Variants in GABBR2 observed in about 807,000 individuals in gnomAD.
The protein encoded by GABBR2 is G-protein coupled receptor 51.
GABBR2 carries 23 observed loss-of-function variants against 105.6 expected under a neutral mutation model. That is an observed-to-expected ratio of 0.22 (90% CI 0.16 to 0.31). The LOEUF (loss-of-function observed/expected upper bound fraction) is 0.31. GABBR2 is among the 10% of genes least tolerant of loss of function. The probability of loss-of-function intolerance (pLI) is 1.00; values close to 1 mark genes in which losing one functional copy is unlikely to be tolerated. For missense variants in GABBR2, 734 were observed against 1,245.5 expected (o/e 0.59, Z 6.18); for synonymous variants, 478 against 499.7 (o/e 0.96, Z 0.58).
intron 1 of GABBR2, among the ~76,000 whole-genome samples, chr9:98,600,591 C>A (rs1281834639): frequency 2.0e-5 from 3 of 152,216 alleles, no homozygotes; most frequent in African/African-American, 7.2e-5. Context: ...CAGCAAGTGC[C>A]CAGTACAAAG....
chr9:98,337,176 G>C (rs4743203), intron 13 of GABBR2, among the ~76,000 whole-genome samples: 21,154 of 152,058 alleles, frequency 0.14, 1,626 homozygotes, highest in Middle Eastern at 0.22. Flanking sequence ...ATGGTGGTGG[G>C]TGCCTGTAAC....
chr9:98,300,158 C>CT (rs1830446008), intron 16 of GABBR2, among the ~76,000 whole-genome samples: 1 of 151,602 alleles, frequency 6.6e-6, no homozygotes, highest in African/African-American at 2.4e-5. Flanking sequence ...ACTACTGTGC[C>CT]TGGCCTTATA....
chr9:98,448,340 C>T (rs1281777860), intron 7 of GABBR2, among the ~76,000 whole-genome samples: 2 of 152,126 alleles, frequency 1.3e-5, no homozygotes, highest in Non-Finnish European at 2.9e-5. Context: ...CACCTAAAAG[C>T]CCCCATCCAA....
intron 11 of GABBR2, among the ~76,000 whole-genome samples, chr9:98,380,612 C>G (rs984624037): frequency 6.6e-6 from 1 of 152,230 alleles, no homozygotes; most frequent in Non-Finnish European, 1.5e-5. Context: ...CTCCACTACC[C>G]GCACAGTGTC....
chr9:98,299,209 C>T lies in GABBR2; in HGVS notation c.2542+15G>A. 6.2e-7 allele frequency: 1 copy of T among 1,612,334 alleles called. No individual in the cohort carries two copies. The highest frequency in any genetic ancestry group is 8.5e-7 in the Non-Finnish European group (1 of 1,178,616). ...CCAAGGTCCCTACCACATTCTGGGG[C>T]CCTGGCTCTCTTACCTGTGCTCTCA... On this transcript the variant is annotated intron_variant, in intron 17 of 18. Coordinates refer to ENST00000259455, the MANE Select transcript of GABBR2 (RefSeq NM_005458.8).
intron 1 of GABBR2, among the ~76,000 whole-genome samples, chr9:98,602,980 C>A (rs1829362880): frequency 6.6e-6 from 1 of 152,146 alleles, no homozygotes; most frequent in South Asian, 2.1e-4. Flanking sequence ...TGTAGTGATT[C>A]CTTATCTAGC....
chr9:98,639,529 A>G (rs1300249629), intron 1 of GABBR2, among the ~76,000 whole-genome samples: 3 of 151,678 alleles, frequency 2.0e-5, no homozygotes, highest in Admixed American at 6.6e-5. Context: ...TACAAATACA[A>G]CTTAATTAAC....
At chr9:98,364,400 G>GACCT (rs1831640459) in intron 12 of GABBR2, among the ~76,000 whole-genome samples, 1 of 152,152 alleles carries the variant, frequency 6.6e-6, no homozygotes, top group African/African-American at 2.4e-5. Context: ...TGGAAGGCCT[G>GACCT]ACCTGCACCT....
chr9:98,568,652 C>T (rs1828783447), intron 2 of GABBR2, among the ~76,000 whole-genome samples: 1 of 152,192 alleles, frequency 6.6e-6, no homozygotes, highest in East Asian at 1.9e-4. Context: ...TTCCCCTCTC[C>T]ATCCCTCTGG....
chr9:98,341,785 G>T (rs1831218159), intron 13 of GABBR2, among the ~76,000 whole-genome samples: 1 of 152,142 alleles, frequency 6.6e-6, no homozygotes, highest in South Asian at 2.1e-4. Flanking sequence ...TGCTTCACTT[G>T]GCAGCCTCAG....
chr9:98,545,529 T>G (rs922086126), intron 2 of GABBR2, among the ~76,000 whole-genome samples: 3 of 152,180 alleles, frequency 2.0e-5, no homozygotes, highest in Non-Finnish European at 4.4e-5. Context: ...GGGGAGATTT[T>G]AAAGAATACT....
chr9:98,704,273 GAA>G (rs915061485), intron 1 of GABBR2, among the ~76,000 whole-genome samples: 1 of 152,156 alleles, frequency 6.6e-6, no homozygotes, highest in African/African-American at 2.4e-5. Flanking sequence ...AGCCACTCAA[GAA>G]AAAAGACATG....
At chr9:98,341,735 C>A (rs967580763) in intron 13 of GABBR2, among the ~76,000 whole-genome samples, 9 of 152,162 alleles carry the variant, frequency 5.9e-5, no homozygotes, top group African/African-American at 2.2e-4. Flanking sequence ...ATCTCGGGGA[C>A]ACAAACTGAA....
At chr9:98,602,830 T>C (rs1347517729) in intron 1 of GABBR2, among the ~76,000 whole-genome samples, 2 of 152,186 alleles carry the variant, frequency 1.3e-5, no homozygotes, top group African/African-American at 4.8e-5. Context: ...AAACATTCAC[T>C]GGATTCCACA....
intron 4 of GABBR2, among the ~76,000 whole-genome samples, chr9:98,484,536 C>T (rs533707827): frequency 7.6e-4 from 115 of 151,854 alleles, no homozygotes; most frequent in African/African-American, 2.6e-3. Flanking sequence ...AGGAGCAGCC[C>T]GGAATCCAGG....
intron 16 of GABBR2, among the ~76,000 whole-genome samples, chr9:98,302,659 G>A (rs939464835): frequency 6.6e-6 from 1 of 152,086 alleles, no homozygotes; most frequent in Non-Finnish European, 1.5e-5. Context: ...CCAAAGGGAG[G>A]GGTAGAGGAG....
chr9:98,669,504 T>C (rs1175192188), intron 1 of GABBR2, among the ~76,000 whole-genome samples: 1 of 152,210 alleles, frequency 6.6e-6, no homozygotes, highest in African/African-American at 2.4e-5. Flanking sequence ...ATTTATTATA[T>C]ATTAAATTAT....
intron 3 of GABBR2, among the ~76,000 whole-genome samples, chr9:98,538,114 C>A (rs548465809): frequency 4.6e-5 from 7 of 152,208 alleles, no homozygotes; most frequent in Non-Finnish European, 8.8e-5. Context: ...TTAGTGAGCA[C>A]CTACTACACA....
intron 12 of GABBR2, among the ~76,000 whole-genome samples, chr9:98,368,896 C>T (rs1297651964): frequency 6.6e-6 from 1 of 152,174 alleles, no homozygotes; most frequent in African/African-American, 2.4e-5. Flanking sequence ...CCAAGGATTC[C>T]CGTTCATTAG....
Sources: gnomAD v4.1 joint callset for allele counts (sites outside exome capture counted in the v4.1 genomes callset) on GRCh38, gnomAD v4.1.1 for gene constraint, MANE v1.5 for transcripts, NCBI Gene and HGNC (gene_info 2026-07-23, HGNC 2026-07-21) for gene names.